The following WDR70 variants were observed in gnomAD, a reference collection of about 807,000 sequenced individuals.
The protein encoded by WDR70 is WD repeat-containing protein 70.
Under a neutral mutation model 88.6 loss-of-function variants are expected in WDR70, and 53 were observed. The observed-to-expected ratio is 0.60, with a 90% confidence interval of 0.48 to 0.75. The LOEUF (loss-of-function observed/expected upper bound fraction) is 0.75. Among genes scored for constraint, WDR70 ranks in the 30% least tolerant of loss-of-function variants. WDR70 has a pLI of 0.00. For synonymous variants in WDR70, 280 were observed against 270.0 expected (o/e 1.04, Z -0.36); for missense variants, 610 against 823.2 (o/e 0.74, Z 3.17).
intron 8 of WDR70, among the ~76,000 whole-genome samples, chr5:37,485,330 CT>C (rs1359139001): frequency 6.6e-6 from 1 of 152,176 alleles, no homozygotes; most frequent in African/African-American, 2.4e-5. Flanking sequence ...ACTCACAGCA[CT>C]TTCATAGTCA....
Position 37,727,000 on chromosome 5 carries a change from A to G in WDR70, c.1832A>G (p.Lys611Arg). 2 of 1,611,192 alleles carry G rather than the reference A, an allele frequency of 1.2e-6. No individual in the cohort carries two copies. Among genetic ancestry groups the G allele is most frequent in the Non-Finnish European group, 1.7e-6 (2 of 1,178,726 alleles). Residue 611 changes from lysine (K) to arginine (R), a missense_variant, in exon 17 of 18, where the codon AAA becomes AGA. Lys to Arg is a conservative substitution (Grantham distance 26). Around this residue, in one of 4 missense-constraint regions of WDR70, gnomAD observed 70 missense variants for 139.2 expected, o/e 0.50. Coordinates refer to ENST00000265107, the MANE Select transcript of WDR70 (RefSeq NM_018034.4). ...NPREAILRHA[K>R]AAEDSPYWVS... ...CGGGAAGCCATTTTGCGTCATGCCA[A>G]AGCAGCAGAAGACAGCCCATATTGG...
chr5:37,427,383 C>T (rs1750161226), intron 5 of WDR70, among the ~76,000 whole-genome samples: 1 of 93,190 alleles, frequency 1.1e-5, no homozygotes, highest in Non-Finnish European at 2.5e-5. Context: ...AGCGAGACTC[C>T]ATCTCAAAAA....
intron 10 of WDR70, among the ~76,000 whole-genome samples, chr5:37,697,098 A>G (rs1336905957): frequency 6.6e-6 from 1 of 152,180 alleles, no homozygotes; most frequent in Admixed American, 6.5e-5. Context: ...TGAGGACTAA[A>G]TAGGCAAGAT....
chr5:37,648,741 A>G (rs1236887904), intron 10 of WDR70, among the ~76,000 whole-genome samples: 1 of 152,150 alleles, frequency 6.6e-6, no homozygotes. Flanking sequence ...TGGCTAAAAT[A>G]AGTTTGTCTT....
chr5:37,538,909 A>G (rs948309332), intron 9 of WDR70, among the ~76,000 whole-genome samples: 1 of 152,188 alleles, frequency 6.6e-6, no homozygotes, highest in African/African-American at 2.4e-5. Flanking sequence ...ATGAGGAACT[A>G]TTTTCTAATT....
chr5:37,622,330 G>A (rs1019135923), intron 10 of WDR70, among the ~76,000 whole-genome samples: 23 of 151,808 alleles, frequency 1.5e-4, no homozygotes, highest in African/African-American at 5.3e-4. Context: ...GGAAGTCAGT[G>A]TGGCGATTCC....
chr5:37,497,345 C>G (rs1740254413), intron 8 of WDR70, among the ~76,000 whole-genome samples: 1 of 140,338 alleles, frequency 7.1e-6, no homozygotes, highest in Non-Finnish European at 1.6e-5. Flanking sequence ...TCCCTTCCCT[C>G]TTCCCTTCTC....
chr5:37,528,250 C>G (rs567088255), intron 9 of WDR70, among the ~76,000 whole-genome samples: 2 of 152,142 alleles, frequency 1.3e-5, no homozygotes, highest in African/African-American at 2.4e-5. Flanking sequence ...CAATGATAGA[C>G]TGGATTAAGA....
chr5:37,429,221 AGAGTTT>A (rs1351345785), intron 5 of WDR70, among the ~76,000 whole-genome samples: 11 of 152,304 alleles, frequency 7.2e-5, no homozygotes, highest in Middle Eastern at 3.4e-3. Flanking sequence ...TTTAGAGTTT[AGAGTTT>A]ATTTTGAGCT....
chr5:37,662,624 G>A lies in WDR70; in HGVS notation c.1093-35031G>A, dbSNP rs1366645810. 3.9e-5 allele frequency among the ~76,000 whole-genome samples: 6 copies of A among 152,034 alleles called. No individual in the cohort carries two copies. The South Asian group carries it at 1.2e-3, about 32-fold the overall frequency. On this transcript the variant is annotated intron_variant, in intron 10 of 17. Coordinates refer to ENST00000265107, the MANE Select transcript of WDR70 (RefSeq NM_018034.4). ...CTGTTGTTGCAATGTGGAAATGAGG[G>A]GTGTTAGATCTTTTTGTTTATTAGG...
chr5:37,735,511 T>C lies in WDR70; in HGVS notation c.1877+8466T>C, dbSNP rs573413626. Among the ~76,000 whole-genome samples the C allele has an allele frequency of 4.6e-5, 7 of 152,280 alleles. No individual in the cohort carries two copies. In the South Asian group the frequency reaches 1.2e-3, roughly 27 times the overall value. On this transcript the variant is annotated intron_variant, in intron 17 of 17. Coordinates refer to ENST00000265107, the MANE Select transcript of WDR70 (RefSeq NM_018034.4). The stretch of plus-strand genomic sequence containing the variant: ...GCAGAGGACTGCACTCTCTTCCTGA[T>C]ACACACCTTTCTGCCGCTGCATTTT...
intron 10 of WDR70, among the ~76,000 whole-genome samples, chr5:37,661,751 T>C (rs1012078880): frequency 2.0e-5 from 3 of 152,184 alleles, no homozygotes; most frequent in Non-Finnish European, 4.4e-5. Flanking sequence ...TGGGTCGTGT[T>C]AGCTGATCCA....
intron 5 of WDR70, among the ~76,000 whole-genome samples, chr5:37,410,156 C>T (rs906236671): frequency 2.0e-5 from 3 of 149,962 alleles, no homozygotes; most frequent in African/African-American, 7.4e-5. Flanking sequence ...GCTAGGACTA[C>T]AGGCGAATGT....
intron 5 of WDR70, among the ~76,000 whole-genome samples, chr5:37,407,586 C>G (rs1749391723): frequency 6.6e-6 from 1 of 151,962 alleles, no homozygotes. Context: ...ATTTTTCCCA[C>G]AGAGGTTAAA....
chr5:37,694,106 G>A (rs896006033), intron 10 of WDR70, among the ~76,000 whole-genome samples: 34 of 152,218 alleles, frequency 2.2e-4, no homozygotes, highest in East Asian at 3.9e-4. Context: ...AATGCTCATC[G>A]TCACTGATTA....
chr5:37,707,097 A>G (rs1488783022), intron 13 of WDR70, among the ~76,000 whole-genome samples: 1 of 152,220 alleles, frequency 6.6e-6, no homozygotes, highest in Admixed American at 6.5e-5. Flanking sequence ...TTCTGAAATA[A>G]CAATATTATT....
In WDR70 at chr5:37,579,618, A is replaced by G. The variant is rs375709269; in HGVS notation, c.918-25446A>G. Among the ~76,000 whole-genome samples, 21 of 151,408 alleles carry G rather than the reference A, an allele frequency of 1.4e-4. No homozygotes were observed. The East Asian group carries it at 3.7e-3, about 27-fold the overall frequency. ...AAAAAAAAAAAAAATTCCAATTCTG[A>G]CAATGAACAATTAGACATTTAAAAT... On this transcript the variant is annotated intron_variant, in intron 9 of 17. Coordinates refer to ENST00000265107, the MANE Select transcript of WDR70 (RefSeq NM_018034.4).
intron 10 of WDR70, among the ~76,000 whole-genome samples, chr5:37,686,335 CTT>C (rs916151083): frequency 1.3e-5 from 2 of 151,942 alleles, no homozygotes; most frequent in Admixed American, 1.3e-4. Flanking sequence ...AAAAAAAAGA[CTT>C]TATGGAAGAC....
At chr5:37,507,374 C>G (rs149208128) in intron 8 of WDR70, among the ~76,000 whole-genome samples, 7 of 152,158 alleles carry the variant, frequency 4.6e-5, no homozygotes, top group South Asian at 2.1e-4. Flanking sequence ...ATTTCTAGTT[C>G]TCCCTTCTAG....
Sources: gnomAD v4.1 joint callset for allele counts (sites outside exome capture counted in the v4.1 genomes callset) on GRCh38, gnomAD v4.1.1 for gene constraint, gnomAD v4.1.1 regional missense constraint, MANE v1.5 for transcripts, NCBI Gene and HGNC (gene_info 2026-07-23, HGNC 2026-07-21) for gene names.